The following DOCK2 variants were observed in gnomAD, a reference collection of about 807,000 sequenced individuals.
The protein encoded by DOCK2 is dedicator of cytokinesis 2, also known as dedicator of cytokinesis protein 2.
A neutral mutation model predicts 248.9 loss-of-function variants in DOCK2; 87 were observed. That is an observed-to-expected ratio of 0.35 (90% CI 0.29 to 0.42). The LOEUF (loss-of-function observed/expected upper bound fraction) is 0.42, where lower values mean the gene tolerates loss of function less well. DOCK2 is among the 10% of genes least tolerant of loss of function. The probability of loss-of-function intolerance (pLI) is 1.00; values close to 1 mark genes in which losing one functional copy is unlikely to be tolerated. For synonymous variants in DOCK2, 805 were observed against 821.6 expected, an observed-to-expected ratio of 0.98 and a Z score of 0.35; for missense variants, 1,747 against 2,300.2, an observed-to-expected ratio of 0.76 and a Z score of 4.92.
intron 30 of DOCK2, among the ~76,000 whole-genome samples, chr5:169,998,435 A>G (rs1400981424): frequency 6.6e-6 from 1 of 152,220 alleles, no homozygotes; most frequent in African/African-American, 2.4e-5. Flanking sequence ...CTTGCATTCA[A>G]ATCAGGCAAC....
At chr5:170,035,297 A>G (rs9313487) in intron 35 of DOCK2, among the ~76,000 whole-genome samples, 147,881 of 152,292 alleles carry the variant, frequency 0.97, 71,809 homozygotes, top group East Asian at 1. Context: ...AGGCCACGTG[A>G]CATCCATCAC....
chr5:169,701,302 G>A (rs116295046), intron 13 of DOCK2, among the ~76,000 whole-genome samples: 1,621 of 152,296 alleles, frequency 0.011, 35 homozygotes, highest in African/African-American at 0.036. Flanking sequence ...TTTTGACAAT[G>A]GTAATACTCT....
intron 8 of DOCK2, among the ~76,000 whole-genome samples, chr5:169,685,723 G>C (rs1174849895): frequency 1.3e-5 from 2 of 152,328 alleles, no homozygotes; most frequent in East Asian, 3.9e-4. Flanking sequence ...TGGAGGGGCT[G>C]TCCATCTCAG....
chr5:169,850,118 C>T (rs920945187), intron 27 of DOCK2, among the ~76,000 whole-genome samples: 2 of 152,184 alleles, frequency 1.3e-5, no homozygotes, highest in East Asian at 1.9e-4. Flanking sequence ...GCATCCCCTC[C>T]ACAGAATGCA....
Position 169,883,541 on chromosome 5 carries a change from A to T in DOCK2, c.2799+42689A>T. On this transcript the variant is annotated intron_variant, in intron 27 of 51. Transcript: ENST00000520908. ...GAGGCTGTTGGCATTTCCACCAGGGACTTACTGGCTGTGAGTCTCTTCCTT... is the reference window on the plus strand; with the variant it reads ...GAGGCTGTTGGCATTTCCACCAGGGTCTTACTGGCTGTGAGTCTCTTCCTT... 2 of 1,551,626 alleles carry T rather than the reference A, an allele frequency of 1.3e-6. No individual in the cohort carries two copies. The highest frequency in any genetic ancestry group is 1.7e-6 in the Non-Finnish European group (2 of 1,146,966).
chr5:169,724,538 C>T (rs985511078), intron 22 of DOCK2, among the ~76,000 whole-genome samples: 8 of 152,106 alleles, frequency 5.3e-5, no homozygotes, highest in Admixed American at 2.6e-4. Context: ...CCCCGAGAGC[C>T]GAGAAAGCCT....
In DOCK2 at chr5:170,082,829, A is replaced by G. The variant is rs1211910410; in HGVS notation, c.5464A>G (p.Ile1822Val). Reference protein sequence around the residue: ...ASKSAEEGKQIPDSLSTDL With the variant: ...ASKSAEEGKQVPDSLSTDL ...CAAATCGGCTGAAGAAGGCAAACAGATCCCAGACTCGCTGTCCACGGACCT... is the reference window on the plus strand; with the variant it reads ...CAAATCGGCTGAAGAAGGCAAACAGGTCCCAGACTCGCTGTCCACGGACCT... Residue 1822 changes from isoleucine (I) to valine (V), a missense_variant, in exon 52 of 52, where the codon ATC becomes GTC. Physicochemically the swap from Ile to Val is conservative, Grantham distance 29. Coordinates refer to ENST00000520908, the MANE Select transcript of DOCK2 (RefSeq NM_004946.3). 2 of 1,614,056 alleles carry G rather than the reference A, an allele frequency of 1.2e-6. No individual in the cohort carries two copies. The highest frequency in any genetic ancestry group is 1.1e-5 in the South Asian group (1 of 91,088).
At chr5:169,998,097 A>AG in intron 30 of DOCK2, 1 of 455,234 alleles carries the variant, frequency 2.2e-6, no homozygotes, top group Non-Finnish European at 4.4e-6. Flanking sequence ...CTCCCTGAGG[A>AG]TCACCCCCAC....
intron 6 of DOCK2, among the ~76,000 whole-genome samples, chr5:169,679,628 C>T (rs928757929): frequency 3.9e-4 from 59 of 152,328 alleles, no homozygotes; most frequent in African/African-American, 1.3e-3. Context: ...TATGTATCAG[C>T]GATGCTCCAT....
chr5:169,862,665 A>G (rs893711038), intron 27 of DOCK2, among the ~76,000 whole-genome samples: 3 of 152,274 alleles, frequency 2.0e-5, no homozygotes, highest in African/African-American at 7.2e-5. Flanking sequence ...GAACAAGAAC[A>G]TCTTGAATGA....
intron 36 of DOCK2, among the ~76,000 whole-genome samples, chr5:170,038,740 C>G (rs187406117): frequency 1.3e-5 from 2 of 152,216 alleles, no homozygotes; most frequent in Admixed American, 6.5e-5. Context: ...TACTAGGGTG[C>G]CTTCTTTTGG....
At chr5:169,748,205 T>A (rs1418096249) in intron 23 of DOCK2, among the ~76,000 whole-genome samples, 2 of 152,112 alleles carry the variant, frequency 1.3e-5, no homozygotes, top group Non-Finnish European at 2.9e-5. Context: ...TTTTAGATGC[T>A]AATTTAAAGA....
rs187040816 is a variant in DOCK2, at chr5:169,920,028, C to T, written c.2800-63040C>T. On this transcript the variant is annotated intron_variant, in intron 27 of 51. Coordinates refer to ENST00000520908, the MANE Select transcript of DOCK2 (RefSeq NM_004946.3). ...GTTGAATATAGAACCCAGCACTTTA[C>T]GTGAATTATGTCATTTAATCCACAA... 4.6e-5 allele frequency among the ~76,000 whole-genome samples: 7 copies of T among 152,294 alleles called. No homozygotes were observed. In the East Asian group the frequency reaches 9.6e-4, roughly 21 times the overall value.
intron 26 of DOCK2, among the ~76,000 whole-genome samples, chr5:169,807,874 A>G (rs890821425): frequency 1.3e-5 from 2 of 151,100 alleles, no homozygotes; most frequent in African/African-American, 2.4e-5. Context: ...GCATCTTCCA[A>G]TATGCATTTA....
intron 27 of DOCK2, among the ~76,000 whole-genome samples, chr5:169,845,870 G>A (rs1770272752): frequency 6.6e-6 from 1 of 152,066 alleles, no homozygotes; most frequent in Non-Finnish European, 1.5e-5. Context: ...CAACAAACAG[G>A]GTTTTCTTAA....
chr5:169,756,930 A>C (rs1250173323), intron 23 of DOCK2, among the ~76,000 whole-genome samples: 10 of 152,072 alleles, frequency 6.6e-5, no homozygotes, highest in African/African-American at 1.7e-4. Flanking sequence ...TGTCTCAAAA[A>C]AAAAAAAAAA....
intron 8 of DOCK2, among the ~76,000 whole-genome samples, chr5:169,684,593 G>T (rs1209976663): frequency 1.3e-5 from 2 of 152,218 alleles, no homozygotes; most frequent in Admixed American, 1.3e-4. Flanking sequence ...TTGATTGCCA[G>T]AAAGCAGTCA....
intron 9 of DOCK2, among the ~76,000 whole-genome samples, chr5:169,690,257 T>C (rs966627411): frequency 3.9e-5 from 6 of 152,016 alleles, no homozygotes; most frequent in Admixed American, 6.6e-5. Context: ...GTAAGCTTCT[T>C]TGGGGAGAAC....
intron 27 of DOCK2, among the ~76,000 whole-genome samples, chr5:169,953,148 C>T (rs1011990526): frequency 6.6e-6 from 1 of 152,016 alleles, no homozygotes; most frequent in African/African-American, 2.4e-5. Context: ...ATGGCGAAAC[C>T]CTGTCTCTAC....
Sources: allele counts gnomAD v4.1 joint callset (sites outside exome capture counted in the v4.1 genomes callset), GRCh38; gene constraint gnomAD v4.1.1; transcripts MANE v1.5; gene names NCBI Gene and HGNC (gene_info 2026-07-23, HGNC 2026-07-21).